MALRD1: variants seen among roughly 807,000 people sequenced by gnomAD.
The protein encoded by MALRD1 is MAM and LDL receptor class A domain containing 1, also known as MAM and LDL-receptor class A domain-containing protein 1.
In MALRD1, 247 loss-of-function variants were observed where a neutral mutation model predicts 242.1. That is an observed-to-expected ratio of 1.02 (90% CI 0.92 to 1.13). The LOEUF is 1.13. Ranked by LOEUF, MALRD1 falls within the 50% of genes most tolerant of loss-of-function variation. The probability of loss-of-function intolerance (pLI) is 0.00; values close to 1 mark genes in which losing one functional copy is unlikely to be tolerated. For synonymous variants in MALRD1, 995 were observed against 866.6 expected (o/e 1.15, Z -2.60); for missense variants, 2,989 against 2,533.1 (o/e 1.18, Z -3.86).
chr10:19,147,063 C>A (rs558011383), intron 11 of MALRD1, among the ~76,000 whole-genome samples: 13 of 152,086 alleles, frequency 8.5e-5, no homozygotes, highest in African/African-American at 2.9e-4. Flanking sequence ...CGCCATGTTG[C>A]CCAGGTTGAT....
intron 19 of MALRD1, among the ~76,000 whole-genome samples, chr10:19,274,285 T>C (rs1251532312): frequency 3.3e-5 from 5 of 152,168 alleles, no homozygotes; most frequent in Non-Finnish European, 7.4e-5. Context: ...TGGAATATCA[T>C]GCAGCCTTAA....
At chr10:19,426,975 T>A (rs1020694491) in intron 28 of MALRD1, among the ~76,000 whole-genome samples, 2 of 152,200 alleles carry the variant, frequency 1.3e-5, no homozygotes, top group African/African-American at 4.8e-5. Context: ...TATTTGCAGT[T>A]TCTTTTCCGT....
chr10:19,113,466 C>A (rs563448195), intron 5 of MALRD1, among the ~76,000 whole-genome samples: 1 of 151,792 alleles, frequency 6.6e-6, no homozygotes, highest in South Asian at 2.1e-4. Context: ...TTTTTCCTCT[C>A]CTTCATCCTC....
chr10:19,327,687 G>A lies in MALRD1; in HGVS notation c.3687+14G>A, dbSNP rs1843195382. 6.5e-7 allele frequency: 1 copy of A among 1,528,908 alleles called. No homozygotes were observed. 94.7% of individuals were successfully genotyped at this position (1,528,908 alleles called of 1,614,324 possible). On this transcript the variant is annotated intron_variant, in intron 23 of 39. Coordinates refer to ENST00000454679, the MANE Select transcript of MALRD1 (RefSeq NM_001142308.3). ...TCACATACACAGGTGTGTAATACAG[G>A]TAGTTATGGGGTGAGTGAGTTCTGC...
intron 4 of MALRD1, among the ~76,000 whole-genome samples, chr10:19,102,414 T>C (rs1374840262): frequency 6.6e-6 from 1 of 152,142 alleles, no homozygotes; most frequent in African/African-American, 2.4e-5. Context: ...CTATAGGTTG[T>C]GGATGTTTCT....
chr10:19,406,985 A>C (rs1270484851), intron 28 of MALRD1, among the ~76,000 whole-genome samples: 3 of 152,076 alleles, frequency 2.0e-5, no homozygotes, highest in African/African-American at 7.2e-5. Flanking sequence ...CCACCACCAA[A>C]CACATGTGCT....
chr10:19,476,487 A>G (rs889587122), intron 29 of MALRD1, among the ~76,000 whole-genome samples: 1 of 151,994 alleles, frequency 6.6e-6, no homozygotes, highest in Non-Finnish European at 1.5e-5. Context: ...TTCCAGATCC[A>G]GGATCTCAGG....
intron 36 of MALRD1, among the ~76,000 whole-genome samples, chr10:19,645,699 AG>A (rs1438256773): frequency 1.3e-5 from 2 of 151,616 alleles, no homozygotes; most frequent in African/African-American, 4.8e-5. Flanking sequence ...GGACACAGGA[AG>A]GGGAACATCA....
chr10:19,484,335 C>G (rs934571422), intron 29 of MALRD1, among the ~76,000 whole-genome samples: 1 of 152,018 alleles, frequency 6.6e-6, no homozygotes, highest in Non-Finnish European at 1.5e-5. Flanking sequence ...TTTAATATTT[C>G]TGTTTTAATT....
intron 2 of MALRD1, among the ~76,000 whole-genome samples, chr10:19,072,019 G>C (rs1198443532): frequency 6.6e-6 from 1 of 152,234 alleles, no homozygotes; most frequent in East Asian, 1.9e-4. Context: ...TGGTGATAGA[G>C]ACATCAACCG....
At chr10:19,473,464 A>G (rs1215859406) in intron 29 of MALRD1, among the ~76,000 whole-genome samples, 1 of 151,612 alleles carries the variant, frequency 6.6e-6, no homozygotes, top group Non-Finnish European at 1.5e-5. Flanking sequence ...GTACCTGTTG[A>G]CAATAACGCA....
intron 36 of MALRD1, among the ~76,000 whole-genome samples, chr10:19,661,264 T>A (rs899158678): frequency 2.0e-5 from 3 of 152,260 alleles, no homozygotes; most frequent in East Asian, 1.9e-4. Flanking sequence ...ATACCATTTG[T>A]TCCAGCCATC....
At chr10:19,422,301 G>A (rs751956999) in intron 28 of MALRD1, among the ~76,000 whole-genome samples, 17 of 152,130 alleles carry the variant, frequency 1.1e-4, no homozygotes, top group Non-Finnish European at 2.4e-4. Flanking sequence ...AGTAATCAAT[G>A]TATGAGAAAT....
intron 30 of MALRD1, among the ~76,000 whole-genome samples, chr10:19,497,405 G>T (rs976384852): frequency 8.7e-6 from 1 of 114,374 alleles, no homozygotes; most frequent in Non-Finnish European, 1.7e-5. Flanking sequence ...TAGAATGAAC[G>T]AAAGGAATGT....
At chr10:19,621,597 A>T (rs1839405199) in intron 36 of MALRD1, among the ~76,000 whole-genome samples, 1 of 151,682 alleles carries the variant, frequency 6.6e-6, no homozygotes, top group Non-Finnish European at 1.5e-5. Context: ...TGGAAGAAAA[A>T]GAACATGCAT....
intron 18 of MALRD1, among the ~76,000 whole-genome samples, chr10:19,218,444 T>C (rs542978144): frequency 6.6e-6 from 1 of 152,298 alleles, no homozygotes; most frequent in Non-Finnish European, 1.5e-5. Context: ...TAGTTCTCTG[T>C]GCTTCAGAAT....
chr10:19,650,309 T>C (rs1331046443), intron 36 of MALRD1, among the ~76,000 whole-genome samples: 1 of 152,136 alleles, frequency 6.6e-6, no homozygotes, highest in Non-Finnish European at 1.5e-5. Flanking sequence ...CAACTTCAGA[T>C]AGACAAAAAC....
intron 28 of MALRD1, among the ~76,000 whole-genome samples, chr10:19,399,595 A>T (rs1846740293): frequency 1.3e-5 from 2 of 152,158 alleles, no homozygotes; most frequent in Non-Finnish European, 2.9e-5. Flanking sequence ...TGGAGTAGAG[A>T]GAAAACCCTT....
intron 36 of MALRD1, among the ~76,000 whole-genome samples, chr10:19,672,235 A>G (rs1242806087): frequency 3.9e-5 from 6 of 151,952 alleles, no homozygotes; most frequent in African/African-American, 7.3e-5. Flanking sequence ...CTAACAACAA[A>G]GATACATAAA....
Sources: allele counts gnomAD v4.1 joint callset (sites outside exome capture counted in the v4.1 genomes callset), GRCh38; gene constraint gnomAD v4.1.1; transcripts MANE v1.5; gene names NCBI Gene and HGNC (gene_info 2026-07-23, HGNC 2026-07-21).